FSIP1: variants seen among roughly 807,000 people sequenced by gnomAD.
FSIP1 encodes the protein fibrous sheath interacting protein 1, also known as fibrous sheath-interacting protein 1.
In FSIP1, 65 loss-of-function variants were observed where a neutral mutation model predicts 60.9. The observed-to-expected ratio is 1.07, with a 90% CI of 0.87 to 1.31. The LOEUF (loss-of-function observed/expected upper bound fraction) is 1.31, where lower values mean the gene tolerates loss of function less well. Among genes scored for constraint, FSIP1 ranks in the 40% most tolerant of loss-of-function variants. The pLI, the probability that FSIP1 is intolerant of heterozygous loss-of-function variation, is 0.00. For missense variants in FSIP1, 675 were observed against 665.5 expected (o/e 1.01, Z -0.16); for synonymous variants, 209 against 221.2 (o/e 0.94, Z 0.49).
intron 8 of FSIP1, among the ~76,000 whole-genome samples, chr15:39,728,256 T>C (rs546092538): frequency 6.6e-6 from 1 of 152,270 alleles, no homozygotes; most frequent in East Asian, 1.9e-4. Context: ...AAACTACCAA[T>C]GACATTTTTA....
chr15:39,620,374 A>C (rs1891395505), intron 10 of FSIP1, among the ~76,000 whole-genome samples: 1 of 152,202 alleles, frequency 6.6e-6, no homozygotes, highest in South Asian at 2.1e-4. Context: ...ATAATGTCTA[A>C]AACTAATCAA....
chr15:39,675,522 T>C (rs1340985526), intron 10 of FSIP1, among the ~76,000 whole-genome samples: 1 of 152,138 alleles, frequency 6.6e-6, no homozygotes, highest in East Asian at 1.9e-4. Flanking sequence ...TAAAAAAGGG[T>C]GCACCACTGC....
At chr15:39,721,450 C>A (rs1895975675) in intron 9 of FSIP1, among the ~76,000 whole-genome samples, 1 of 152,236 alleles carries the variant, frequency 6.6e-6, no homozygotes, top group African/African-American at 2.4e-5. Flanking sequence ...CAGTGCCCAT[C>A]TGGTGGTGGT....
At position 39,765,592 on chromosome 15, in the gene FSIP1, C is replaced by A. The variant is rs1241686360; in HGVS notation, c.465G>T (p.Lys155Asn). The A allele has an allele frequency of 6.4e-7, 1 of 1,573,360 alleles. No individual in the cohort carries two copies. Among genetic ancestry groups the A allele is most frequent in the South Asian group, 1.2e-5 (1 of 83,306 alleles). The change falls in exon 4 of 12, where the codon AAG (lysine) becomes AAT (asparagine). Residue 155 changes from lysine (K) to asparagine (N), a missense_variant and splice_region_variant. Transcript: ENST00000350221. ...CAGCATAAGGTTAGATAATTCTTAC[C>A]TTAATTTCTTCCCACAGCTTTATTC... ...EMRIKLWEEI[K>N]SAKYSEAWQS...
intron 11 of FSIP1, among the ~76,000 whole-genome samples, chr15:39,617,268 T>A (rs1891265358): frequency 6.6e-6 from 1 of 152,198 alleles, no homozygotes; most frequent in Non-Finnish European, 1.5e-5. Flanking sequence ...CACTAGATCG[T>A]GACGAAACAC....
chr15:39,616,929 C>T (rs1002155478), intron 11 of FSIP1, among the ~76,000 whole-genome samples: 2 of 152,024 alleles, frequency 1.3e-5, no homozygotes, highest in African/African-American at 4.8e-5. Context: ...ACAAACAACA[C>T]CTGAACACTG....
At chr15:39,623,631 A>G (rs1350266405) in intron 10 of FSIP1, among the ~76,000 whole-genome samples, 1 of 152,204 alleles carries the variant, frequency 6.6e-6, no homozygotes, top group Non-Finnish European at 1.5e-5. Flanking sequence ...TATTTTAGTC[A>G]AGGTTTTTTG....
intron 2 of FSIP1, among the ~76,000 whole-genome samples, chr15:39,771,731 T>C (rs1897895173): frequency 6.6e-6 from 1 of 152,172 alleles, no homozygotes; most frequent in African/African-American, 2.4e-5. Context: ...GCCCAATTTA[T>C]AAATAAGCAA....
intron 11 of FSIP1, among the ~76,000 whole-genome samples, chr15:39,610,544 C>T (rs1890991131): frequency 6.6e-6 from 1 of 152,092 alleles, no homozygotes; most frequent in Admixed American, 6.5e-5. Flanking sequence ...TGCGTGCCTG[C>T]AGTCTCAGCT....
At chr15:39,622,459 A>T (rs2140388361) in intron 10 of FSIP1, among the ~76,000 whole-genome samples, 1 of 152,338 alleles carries the variant, frequency 6.6e-6, no homozygotes. Flanking sequence ...CATCAGGAAA[A>T]GAATAGAATA....
chr15:39,757,400 T>C (rs892260260), intron 5 of FSIP1, among the ~76,000 whole-genome samples: 21 of 152,010 alleles, frequency 1.4e-4, no homozygotes, highest in African/African-American at 4.1e-4. Context: ...ACTGGACTGT[T>C]GTGTTTCTAA....
intron 5 of FSIP1, among the ~76,000 whole-genome samples, chr15:39,743,318 T>C (rs1304729107): frequency 6.6e-6 from 1 of 152,174 alleles, no homozygotes; most frequent in East Asian, 1.9e-4. Flanking sequence ...GTGGTATTCA[T>C]TGCCTCAGAG....
intron 10 of FSIP1, among the ~76,000 whole-genome samples, chr15:39,627,286 T>C (rs1891681629): frequency 6.6e-6 from 1 of 152,244 alleles, no homozygotes; most frequent in African/African-American, 2.4e-5. Context: ...GGTGTAGACC[T>C]GGATGTCACT....
chr15:39,713,343 G>C, intron 10 of FSIP1, 101 bp downstream of exon 10: 1 of 1,050,600 alleles, frequency 9.5e-7, no homozygotes. Flanking sequence ...GAGGTGGGCA[G>C]GTCACTTGAG....
chr15:39,713,587 T>TAA lies in FSIP1; in HGVS notation c.1051-7_1051-6insTT. ...TCACCATCACGGTCAGGTTTCTAAT[T>TAA]TAAAGAAAAAAAAAAAACATCATTC... On this transcript the variant is annotated splice_polypyrimidine_tract_variant and splice_region_variant and intron_variant, in intron 9 of 11. Coordinates refer to ENST00000350221, the MANE Select transcript of FSIP1 (RefSeq NM_152597.5). 1 of 1,573,338 alleles carries TAA rather than the reference T, an allele frequency of 6.4e-7. No individual in the cohort carries two copies. Among genetic ancestry groups the TAA allele is most frequent in the Non-Finnish European group, 8.6e-7 (1 of 1,168,834 alleles).
Position 39,600,842 on chromosome 15 carries a change from T to G in FSIP1, c.*38A>C, listed in dbSNP as rs760261829. ...AATAAGAAATTTAATTTAACTTCAT[T>G]ACCAACTTTCTGAAAAGCACACCCA... On this transcript the variant is annotated 3_prime_UTR_variant, in exon 12 of 12. Coordinates refer to ENST00000350221, the MANE Select transcript of FSIP1 (RefSeq NM_152597.5). 1 of 1,541,454 alleles carries G rather than the reference T, an allele frequency of 6.5e-7. No homozygotes were observed. Among genetic ancestry groups the G allele is most frequent in the Non-Finnish European group, 8.9e-7 (1 of 1,128,342 alleles).
At position 39,726,579 on chromosome 15, in the gene FSIP1, C is replaced by T. The variant is rs73395259; in HGVS notation, c.1050+10G>A. 1.6e-3 allele frequency: 2,572 copies of T among 1,613,748 alleles called. 35 individuals carry two copies. In the African/African-American group the frequency reaches 0.03, roughly 19 times the overall value. ...CATTAACTTGAACAGTCTATGGGTT[C>T]TTCAAATACCTGATTATTCCGATTT... is the stretch of plus-strand genomic sequence containing the variant. On this transcript the variant is annotated intron_variant, in intron 9 of 11. Coordinates refer to ENST00000350221, the MANE Select transcript of FSIP1 (RefSeq NM_152597.5).
intron 10 of FSIP1, among the ~76,000 whole-genome samples, chr15:39,698,666 C>T (rs373365613): frequency 4.6e-5 from 7 of 152,238 alleles, no homozygotes; most frequent in African/African-American, 7.2e-5. Context: ...AGTGGAGTGG[C>T]GTTATAGTTT....
chr15:39,693,679 G>T (rs1428864704), intron 10 of FSIP1, among the ~76,000 whole-genome samples: 1 of 152,170 alleles, frequency 6.6e-6, no homozygotes, highest in Non-Finnish European at 1.5e-5. Flanking sequence ...ATACAAAGGA[G>T]AAGAAAATCA....
Sources: allele counts gnomAD v4.1 joint callset (sites outside exome capture counted in the v4.1 genomes callset), GRCh38; gene constraint gnomAD v4.1.1; transcripts MANE v1.5; gene names NCBI Gene and HGNC (gene_info 2026-07-23, HGNC 2026-07-21).